Variants in FBXO47 observed in about 807,000 individuals in gnomAD.
FBXO47 encodes F-box protein 47.
A neutral mutation model predicts 53.9 loss-of-function variants in FBXO47; 34 were observed. The observed-to-expected ratio is 0.63, with a 90% CI of 0.48 to 0.84. FBXO47 has a LOEUF of 0.84. FBXO47 is among the 40% of genes least tolerant of loss of function. The pLI, the probability that FBXO47 is intolerant of heterozygous loss-of-function variation, is 0.00. For synonymous variants in FBXO47, 165 were observed against 181.6 expected (o/e 0.91, Z 0.73); for missense variants, 485 against 541.3 (o/e 0.90, Z 1.03).
intron 6 of FBXO47, among the ~76,000 whole-genome samples, chr17:38,947,855 G>T (rs1905019008): frequency 6.6e-6 from 1 of 152,070 alleles, no homozygotes; most frequent in Non-Finnish European, 1.5e-5. Context: ...AGCTTGCAGT[G>T]AGCTGAGATC....
chr17:38,947,083 C>CAGATATAAATATATAA lies in FBXO47; in HGVS notation c.617-1948_617-1947insTTATATATTTATATCT, dbSNP rs1567717711. Among the ~76,000 whole-genome samples the CAGATATAAATATATAA allele has an allele frequency of 8.8e-4, 94 of 106,378 alleles. 1 individual carries two copies. In the East Asian group the frequency reaches 0.016, roughly 19 times the overall value. The allele number at this position is 106,378 out of a possible 152,430, so 69.8% of individuals were successfully genotyped here. A position where few individuals can be genotyped will look rare whatever the true frequency, so the allele number is the denominator to read the frequency against. On this transcript the variant is annotated intron_variant, in intron 6 of 10. Transcript: ENST00000378079. ...ATAAATATATATAAACATATATAAA[C>CAGATATAAATATATAA]ATATATATAAACATATATATAAACA...
At chr17:38,959,700 T>C (rs990376892) in intron 3 of FBXO47, among the ~76,000 whole-genome samples, 4 of 145,912 alleles carry the variant, frequency 2.7e-5, no homozygotes, top group African/African-American at 1.0e-4. Flanking sequence ...AAGGCCGGAG[T>C]GCATTTTCAC....
Position 38,963,756 on chromosome 17 carries a change from T to C in FBXO47, c.-26-705A>G, listed in dbSNP as rs189329747. ...CAAATAAGCAGTGAATTAAAGTCTT[T>C]CTTCTTTTCTTTGTTGGTTTTTGTT... is the stretch of plus-strand genomic sequence containing the variant. On this transcript the variant is annotated intron_variant, in intron 1 of 10. Coordinates refer to ENST00000378079, the MANE Select transcript of FBXO47 (RefSeq NM_001008777.3). 9.1e-4 allele frequency among the ~76,000 whole-genome samples: 139 copies of C among 152,014 alleles called. 1 individual carries two copies. Among genetic ancestry groups the C allele is most frequent in the African/African-American group, 3.3e-3 (135 of 41,502 alleles).
chr17:38,947,159 C>T (rs1031369448), intron 6 of FBXO47, among the ~76,000 whole-genome samples: 17 of 146,026 alleles, frequency 1.2e-4, no homozygotes, highest in Non-Finnish European at 1.9e-4. Flanking sequence ...AGCCAGGCAG[C>T]GGCAGTGGCA....
At chr17:38,959,665 T>A (rs1905731173) in intron 3 of FBXO47, among the ~76,000 whole-genome samples, 2 of 148,470 alleles carry the variant, frequency 1.3e-5, no homozygotes, top group African/African-American at 5.0e-5. Context: ...TGTATGAATA[T>A]GAGACAGGGT....
At chr17:38,959,579 C>CAAAAAAAAAA (rs749435702) in intron 3 of FBXO47, among the ~76,000 whole-genome samples, 1 of 27,854 alleles carries the variant, frequency 3.6e-5, no homozygotes, top group African/African-American at 1.1e-4. Flanking sequence ...GACTCTGCCT[C>CAAAAAAAAAA]AAAAAAAAAA....
At chr17:38,953,577 AGTG>A in intron 5 of FBXO47, among the ~76,000 whole-genome samples, 3 of 152,126 alleles carry the variant, frequency 2.0e-5, no homozygotes, top group Admixed American at 1.3e-4. Context: ...GTGAGCCGAG[AGTG>A]TGCCACTGCA....
chr17:38,953,794 AC>A (rs1293287537), intron 5 of FBXO47, among the ~76,000 whole-genome samples: 2 of 152,208 alleles, frequency 1.3e-5, no homozygotes, highest in African/African-American at 2.4e-5. Context: ...AAGAATACAT[AC>A]ATAGGTATTA....
In FBXO47 at chr17:38,943,653, A is replaced by G. The variant is rs770010991; in HGVS notation, c.877T>C (p.Tyr293His). 18 of 1,610,314 alleles carry G rather than the reference A, an allele frequency of 1.1e-5. No individual in the cohort carries two copies. In the South Asian group the frequency reaches 1.9e-4, roughly 17 times the overall value. Reference protein sequence around the residue: ...KGLADAIKLLYDASTKEWTAD... With the variant: ...KGLADAIKLLHDASTKEWTAD... ...GTCCACTCTTTAGTGCTAGCGTCAT[A>G]TAGTAACTTAATGGCATCAGCCAAA... Residue 293 changes from tyrosine to histidine, a missense_variant, in exon 8 of 11, where the codon TAT becomes CAT. By Grantham distance (83) the Tyr-to-His change is moderately conservative (BLOSUM62 2). Transcript: ENST00000378079.
intron 3 of FBXO47, among the ~76,000 whole-genome samples, chr17:38,958,154 A>G (rs1238190998): frequency 6.6e-6 from 1 of 151,836 alleles, no homozygotes; most frequent in Admixed American, 6.6e-5. Context: ...TTTAAAAAAC[A>G]TTTTTTTTGT....
intron 6 of FBXO47, among the ~76,000 whole-genome samples, chr17:38,946,121 A>ATATTT (rs1567716241): frequency 4.6e-4 from 51 of 109,996 alleles, no homozygotes; most frequent in African/African-American, 1.8e-3. Flanking sequence ...TACATAAATA[A>ATATTT]ATATATATAC....
intron 3 of FBXO47, among the ~76,000 whole-genome samples, chr17:38,958,537 G>C (rs1330459572): frequency 6.6e-6 from 1 of 151,424 alleles, no homozygotes; most frequent in Non-Finnish European, 1.5e-5. Context: ...GACAGGAAGT[G>C]TATGATTTGT....
chr17:38,946,049 AATATATAAATACATAAATATATATTT>A (rs1162982370), intron 6 of FBXO47, among the ~76,000 whole-genome samples: 68 of 118,910 alleles, frequency 5.7e-4, no homozygotes, highest in South Asian at 3.5e-3. Context: ...ATATATATAA[AATATATAAATACATAAATATATATTT>A]ATATATAAAT....
intron 1 of FBXO47, among the ~76,000 whole-genome samples, chr17:38,964,239 C>T (rs1905972875): frequency 6.6e-6 from 1 of 151,662 alleles, no homozygotes; most frequent in Non-Finnish European, 1.5e-5. Context: ...GTGGGTGGAA[C>T]ACCTGGGGTC....
chr17:38,938,739 T>A lies in FBXO47; in HGVS notation c.1084-7A>T, dbSNP rs1320447210. 3.8e-6 allele frequency: 6 copies of A among 1,573,704 alleles called. No homozygotes were observed. The highest frequency in any genetic ancestry group is 1.3e-5 in the African/African-American group (1 of 74,376). On this transcript the variant is annotated splice_region_variant and splice_polypyrimidine_tract_variant and intron_variant, in intron 9 of 10. Coordinates refer to ENST00000378079, the MANE Select transcript of FBXO47 (RefSeq NM_001008777.3). ...ACAGTTCTTTCTCACACACCTGATT[T>A]AGACATATAAAGCGCTATAAACCTT...
intron 5 of FBXO47, among the ~76,000 whole-genome samples, 171 bp from the exon 6 acceptor site, chr17:38,951,860 G>T (rs1390674133): frequency 1.3e-5 from 2 of 152,030 alleles, no homozygotes; most frequent in East Asian, 3.9e-4. Flanking sequence ...GTAAAACCTT[G>T]TCTCTACTAA....
At chr17:38,964,639 G>T (rs950146335) in intron 1 of FBXO47, among the ~76,000 whole-genome samples, 2 of 151,820 alleles carry the variant, frequency 1.3e-5, no homozygotes, top group African/African-American at 4.8e-5. Flanking sequence ...CCAGCCTGGG[G>T]CAACACAGTG....
intron 4 of FBXO47, among the ~76,000 whole-genome samples, chr17:38,956,591 CAAAA>C (rs1158036745): frequency 1.8e-5 from 1 of 55,932 alleles, no homozygotes; most frequent in Admixed American, 2.1e-4. Context: ...TCTGTCTCAA[CAAAA>C]AAAAAAAAAA....
chr17:38,950,844 G>A (rs1199338758), intron 6 of FBXO47, among the ~76,000 whole-genome samples: 1 of 151,916 alleles, frequency 6.6e-6, no homozygotes, highest in Non-Finnish European at 1.5e-5. Flanking sequence ...TGTCTTATTC[G>A]ATATTTATCA....
Sources: gnomAD v4.1 joint callset for allele counts (sites outside exome capture counted in the v4.1 genomes callset) on GRCh38, gnomAD v4.1.1 for gene constraint, MANE v1.5 for transcripts, NCBI Gene and HGNC (gene_info 2026-07-23, HGNC 2026-07-21) for gene names.